The following CCDC83 variants were observed in gnomAD, a reference collection of about 807,000 sequenced individuals.
The protein encoded by CCDC83 is coiled-coil domain-containing protein 83.
CCDC83 carries 54 observed loss-of-function variants against 50.1 expected under a neutral mutation model. That is an observed-to-expected ratio of 1.08 (90% CI 0.87 to 1.35). The LOEUF (loss-of-function observed/expected upper bound fraction) is 1.35, where lower values mean the gene tolerates loss of function less well. Among genes scored for constraint, CCDC83 ranks in the 40% most tolerant of loss-of-function variants. The probability of loss-of-function intolerance (pLI) is 0.00; values close to 1 mark genes in which losing one functional copy is unlikely to be tolerated. For missense variants in CCDC83, 518 were observed against 473.9 expected (o/e 1.09, Z -0.86); for synonymous variants, 161 against 153.3 (o/e 1.05, Z -0.37).
At chr11:85,864,702 G>T (rs1318437498) in intron 1 of CCDC83, among the ~76,000 whole-genome samples, 1 of 152,066 alleles carries the variant, frequency 6.6e-6, no homozygotes, top group African/African-American at 2.4e-5. Context: ...TTGTAGTTTT[G>T]TTTTCATTTT....
intron 7 of CCDC83, among the ~76,000 whole-genome samples, chr11:85,909,608 ACTTTTTTTTT>A (rs1205195482): frequency 7.2e-4 from 47 of 65,070 alleles, no homozygotes; most frequent in African/African-American, 2.3e-3. Context: ...ATCAAAATAC[ACTTTTTTTTT>A]TTTTTTTTTT....
At chr11:85,885,137 C>A (rs546108217) in intron 4 of CCDC83, among the ~76,000 whole-genome samples, 2 of 152,040 alleles carry the variant, frequency 1.3e-5, no homozygotes, top group African/African-American at 4.8e-5. Context: ...TCACTTGAAC[C>A]TGGGAGGTGG....
chr11:85,866,875 G>A (rs1269835872), intron 2 of CCDC83, among the ~76,000 whole-genome samples: 1 of 152,108 alleles, frequency 6.6e-6, no homozygotes, highest in Non-Finnish European at 1.5e-5. Context: ...AGACAGGAGG[G>A]TAGGAAAGAG....
intron 2 of CCDC83, 105 bp downstream of exon 2, chr11:85,865,323 A>C (rs1283645691): frequency 9.5e-6 from 7 of 735,800 alleles, no homozygotes; most frequent in East Asian, 7.6e-5. Context: ...AGCTGCCAAA[A>C]GAATAGAGGT....
rs1355094981 is a variant in CCDC83 at position 85,873,204 on chromosome 11, T to A, written c.96-7T>A. 6.7e-7 allele frequency: 1 copy of A among 1,487,350 alleles called. No homozygotes were observed. The highest frequency in any genetic ancestry group is 9.1e-7 in the Non-Finnish European group (1 of 1,096,242). 92.1% of individuals were successfully genotyped at this position (1,487,350 alleles called of 1,614,324 possible). ...TTCTAACACATTTTATCTTTGTTGA[T>A]TCTCAGATGTCAAATAAAGGAAGAT... On this transcript the variant is annotated splice_polypyrimidine_tract_variant and splice_region_variant and intron_variant, in intron 2 of 10. Transcript: ENST00000342404.
At chr11:85,857,386 T>C (rs1429184349) in intron 1 of CCDC83, among the ~76,000 whole-genome samples, 2 of 152,208 alleles carry the variant, frequency 1.3e-5, no homozygotes, top group African/African-American at 4.8e-5. Context: ...GTTGTACGCC[T>C]GGAAGGGCGA....
intron 8 of CCDC83, among the ~76,000 whole-genome samples, chr11:85,914,439 C>A (rs996345522): frequency 2.0e-5 from 3 of 152,192 alleles, no homozygotes; most frequent in African/African-American, 7.2e-5. Flanking sequence ...GAGAGAGCTA[C>A]AACAGCATAT....
intron 3 of CCDC83, among the ~76,000 whole-genome samples, chr11:85,877,767 T>A (rs2093276941): frequency 1.3e-5 from 2 of 152,296 alleles, no homozygotes; most frequent in Non-Finnish European, 1.5e-5. Context: ...CTTACTAAAA[T>A]TAACTAACAT....
intron 7 of CCDC83, among the ~76,000 whole-genome samples, chr11:85,904,606 G>A (rs2093416842): frequency 6.6e-6 from 1 of 152,126 alleles, no homozygotes; most frequent in African/African-American, 2.4e-5. Flanking sequence ...TACATCTTCA[G>A]CACAAACTGA....
chr11:85,872,367 C>A (rs2093243426), intron 2 of CCDC83, among the ~76,000 whole-genome samples: 1 of 152,094 alleles, frequency 6.6e-6, no homozygotes, highest in Non-Finnish European at 1.5e-5. Flanking sequence ...CGCCTATAAT[C>A]CCAGTTACTC....
At chr11:85,882,136 A>AAATAAT (rs564100733) in intron 3 of CCDC83, among the ~76,000 whole-genome samples, 2 of 129,700 alleles carry the variant, frequency 1.5e-5, no homozygotes, top group African/African-American at 5.2e-5. Flanking sequence ...AAAAAAACAA[A>AAATAAT]AATAATAATA....
intron 3 of CCDC83, among the ~76,000 whole-genome samples, chr11:85,877,843 C>T (rs1490283752): frequency 1.3e-5 from 2 of 151,896 alleles, no homozygotes; most frequent in East Asian, 1.9e-4. Flanking sequence ...TCCACTTCTA[C>T]AAAAATAAGT....
At chr11:85,910,314 ATCCTTTGT>A (rs1329966849) in intron 7 of CCDC83, among the ~76,000 whole-genome samples, 1 of 152,206 alleles carries the variant, frequency 6.6e-6, no homozygotes, top group Non-Finnish European at 1.5e-5. Context: ...CACCTTGTTG[ATCCTTTGT>A]TCCCAAAGTG....
At chr11:85,903,368 C>T (rs1194267211) in intron 7 of CCDC83, among the ~76,000 whole-genome samples, 1 of 152,020 alleles carries the variant, frequency 6.6e-6, no homozygotes, top group Non-Finnish European at 1.5e-5. Flanking sequence ...GATCTCGGCC[C>T]ACTGCAAACT....
chr11:85,911,424 A>G (rs2135137195), intron 8 of CCDC83, 22 bp downstream of exon 8: 1 of 1,535,538 alleles, frequency 6.5e-7, no homozygotes, highest in African/African-American at 1.4e-5. Flanking sequence ...TAATATATAG[A>G]GAGTATTTTG....
intron 8 of CCDC83, 123 bp from the exon 9 acceptor site, chr11:85,915,296 G>A: frequency 1.4e-6 from 1 of 689,944 alleles, no homozygotes; most frequent in Non-Finnish European, 2.5e-6. Flanking sequence ...GCTCCTCAGG[G>A]TAGAAATTAT....
intron 5 of CCDC83, among the ~76,000 whole-genome samples, chr11:85,890,605 A>C (rs1371202130): frequency 1.3e-5 from 2 of 152,206 alleles, no homozygotes; most frequent in East Asian, 3.8e-4. Flanking sequence ...CCCATGAGAC[A>C]ATGTGTCAGC....
intron 7 of CCDC83, among the ~76,000 whole-genome samples, 173 bp from the exon 8 acceptor site, chr11:85,911,108 T>C (rs532061100): frequency 7.9e-4 from 118 of 149,076 alleles, no homozygotes; most frequent in African/African-American, 2.7e-3. Context: ...GAGGTAGAGG[T>C]TGCAGTGAGC....
intron 5 of CCDC83, among the ~76,000 whole-genome samples, chr11:85,889,473 C>T (rs1013705439): frequency 1.6e-4 from 25 of 152,302 alleles, no homozygotes; most frequent in Admixed American, 8.5e-4. Flanking sequence ...AGCCATGGGG[C>T]GCAGCCATAA....
Sources: allele counts gnomAD v4.1 joint callset (sites outside exome capture counted in the v4.1 genomes callset), GRCh38; gene constraint gnomAD v4.1.1; transcripts MANE v1.5; gene names NCBI Gene and HGNC (gene_info 2026-07-23, HGNC 2026-07-21).